The following MDFIC2 variants were observed in gnomAD, a reference collection of about 807,000 sequenced individuals.
MDFIC2 encodes the protein MyoD family inhibitor domain containing 2.
chr3:70,202,736 T>A (rs956309097), intron 3 of MDFIC2, among the ~76,000 whole-genome samples: 2 of 152,134 alleles, frequency 1.3e-5, no homozygotes, highest in African/African-American at 4.8e-5. Flanking sequence ...CCAGGGTACC[T>A]TTAGGACATG....
intron 2 of MDFIC2, among the ~76,000 whole-genome samples, chr3:70,307,838 T>C (rs760675267): frequency 3.3e-5 from 5 of 152,180 alleles, no homozygotes; most frequent in Admixed American, 6.6e-5. Flanking sequence ...ATCGGTTTTC[T>C]CACTTCATTT....
At chr3:70,214,607 C>CTTT (rs11391954) in intron 2 of MDFIC2, among the ~76,000 whole-genome samples, 7 of 140,284 alleles carry the variant, frequency 5.0e-5, no homozygotes, top group Admixed American at 7.1e-5. Context: ...CTGAAGTGGG[C>CTTT]TTTTTTTTTT....
At chr3:70,270,678 A>G (rs2106671147) in intron 2 of MDFIC2, among the ~76,000 whole-genome samples, 1 of 152,268 alleles carries the variant, frequency 6.6e-6, no homozygotes. Flanking sequence ...TTGTATTTTT[A>G]AAATACACCA....
intron 2 of MDFIC2, among the ~76,000 whole-genome samples, chr3:70,275,168 T>G (rs1275229305): frequency 6.6e-6 from 1 of 152,148 alleles, no homozygotes; most frequent in African/African-American, 2.4e-5. Context: ...TATAAAAAAG[T>G]TAATAAACTA....
intron 2 of MDFIC2, among the ~76,000 whole-genome samples, chr3:70,209,401 T>A (rs1354185512): frequency 6.6e-6 from 1 of 151,846 alleles, no homozygotes; most frequent in Non-Finnish European, 1.5e-5. Context: ...ACACACAGAG[T>A]GGCGTGTATC....
intron 2 of MDFIC2, chr3:70,283,962 A>C (rs1702115202): frequency 6.6e-6 from 1 of 151,972 alleles, no homozygotes; most frequent in African/African-American, 2.4e-5. Context: ...CTGATCCCTG[A>C]TCTCTAGTTT....
At chr3:70,227,828 T>C (rs1701522884) in intron 2 of MDFIC2, among the ~76,000 whole-genome samples, 1 of 152,160 alleles carries the variant, frequency 6.6e-6, no homozygotes, top group African/African-American at 2.4e-5. Flanking sequence ...CTGTGAATTA[T>C]AAATGCAGAT....
chr3:70,298,156 C>T (rs899006788), intron 2 of MDFIC2, among the ~76,000 whole-genome samples: 3 of 152,028 alleles, frequency 2.0e-5, no homozygotes, highest in Non-Finnish European at 4.4e-5. Flanking sequence ...TTAGATTTGG[C>T]ATCTAAATAT....
At chr3:70,278,162 T>A (rs1702046134) in intron 2 of MDFIC2, among the ~76,000 whole-genome samples, 1 of 152,202 alleles carries the variant, frequency 6.6e-6, no homozygotes, top group African/African-American at 2.4e-5. Context: ...TGCCTGTTCT[T>A]ATATAAATGG....
chr3:70,229,517 C>T (rs1440059440), intron 2 of MDFIC2, among the ~76,000 whole-genome samples: 1 of 152,186 alleles, frequency 6.6e-6, no homozygotes, highest in African/African-American at 2.4e-5. Context: ...GGTTTTCTTG[C>T]ATCTCAGCAG....
At chr3:70,225,831 A>T (rs1412686460) in intron 2 of MDFIC2, among the ~76,000 whole-genome samples, 1 of 152,248 alleles carries the variant, frequency 6.6e-6, no homozygotes, top group Non-Finnish European at 1.5e-5. Flanking sequence ...AAATAATGTT[A>T]TAATGAGCTT....
At chr3:70,218,116 C>T (rs1701432193) in intron 2 of MDFIC2, among the ~76,000 whole-genome samples, 1 of 152,110 alleles carries the variant, frequency 6.6e-6, no homozygotes, top group Non-Finnish European at 1.5e-5. Context: ...GATTTAAGAT[C>T]TATTTTCTTG....
intron 2 of MDFIC2, among the ~76,000 whole-genome samples, chr3:70,303,225 C>A (rs1203710196): frequency 6.6e-6 from 1 of 152,074 alleles, no homozygotes; most frequent in Non-Finnish European, 1.5e-5. Flanking sequence ...ATCTATTCTC[C>A]CTTTATTCTG....
At chr3:70,263,659 C>T (rs899164979) in intron 2 of MDFIC2, among the ~76,000 whole-genome samples, 1 of 152,178 alleles carries the variant, frequency 6.6e-6, no homozygotes, top group Non-Finnish European at 1.5e-5. Flanking sequence ...GGGAGCCCTA[C>T]GCAAATTTAT....
At chr3:70,254,649 A>C (rs894021970) in intron 2 of MDFIC2, among the ~76,000 whole-genome samples, 1 of 152,190 alleles carries the variant, frequency 6.6e-6, no homozygotes, top group Non-Finnish European at 1.5e-5. Context: ...ACTACCTAGA[A>C]GTTTACTATT....
At chr3:70,294,750 G>T (rs552147494) in intron 2 of MDFIC2, among the ~76,000 whole-genome samples, 36 of 152,242 alleles carry the variant, frequency 2.4e-4, no homozygotes, top group African/African-American at 6.0e-4. Flanking sequence ...TAAGAATCCA[G>T]ATTTTTTTCC....
chr3:70,199,673 A>G (rs1013791906), intron 3 of MDFIC2, among the ~76,000 whole-genome samples: 3 of 152,304 alleles, frequency 2.0e-5, no homozygotes, highest in South Asian at 2.1e-4. Context: ...TTGTTTGCAC[A>G]AGCAGTTCAG....
rs1439880725 is a variant in MDFIC2, at chr3:70,195,503, G to GA, written c.*1422dup. Among the ~76,000 whole-genome samples the GA allele has an allele frequency of 4.6e-5, 7 of 152,138 alleles. No individual in the cohort carries two copies. The highest frequency in any genetic ancestry group is 3.9e-4 in the Admixed American group (6 of 15,282). ...GTTTGGGAGAGTTTATTTCAAATTG[G>GA]AAAAATGTGCTAGTTTGCTACAGAA... is the stretch of plus-strand genomic sequence containing the variant. On this transcript the variant is annotated 3_prime_UTR_variant, in exon 4 of 4. Coordinates refer to ENST00000567252, the MANE Select transcript of MDFIC2 (RefSeq NM_001364677.1).
intron 2 of MDFIC2, among the ~76,000 whole-genome samples, chr3:70,224,241 G>A (rs538231720): frequency 3.9e-5 from 6 of 152,278 alleles, no homozygotes; most frequent in South Asian, 4.1e-4. Flanking sequence ...TCCCAGCCAA[G>A]GTTTCTACAT....
Sources: allele counts gnomAD v4.1 joint callset (sites outside exome capture counted in the v4.1 genomes callset), GRCh38; gene constraint gnomAD v4.1.1; transcripts MANE v1.5; gene names NCBI Gene and HGNC (gene_info 2026-07-23, HGNC 2026-07-21).